SPAG17: variants seen among roughly 807,000 people sequenced by gnomAD.
SPAG17 encodes the protein sperm-associated antigen 17.
A neutral mutation model predicts 273.6 loss-of-function variants in SPAG17; 169 were observed. That is an observed-to-expected ratio of 0.62 (90% CI 0.55 to 0.70). The LOEUF is 0.70. Among genes scored for constraint, SPAG17 ranks in the 30% least tolerant of loss-of-function variants. The pLI is 0.00. For synonymous variants in SPAG17, 825 were observed against 873.2 expected (o/e 0.94, Z 0.97); for missense variants, 2,557 against 2,627.8 (o/e 0.97, Z 0.59).
At chr1:118,136,250 G>A (rs1020029485) in intron 3 of SPAG17, among the ~76,000 whole-genome samples, 1 of 152,086 alleles carries the variant, frequency 6.6e-6, no homozygotes, top group African/African-American at 2.4e-5. Flanking sequence ...AAAGACTGAT[G>A]GACCATCTGA....
At chr1:118,069,708 A>G (rs1202839499) in intron 17 of SPAG17, among the ~76,000 whole-genome samples, 1 of 152,204 alleles carries the variant, frequency 6.6e-6, no homozygotes, top group Non-Finnish European at 1.5e-5. Context: ...AACAGATGAG[A>G]TCATCAAAGA....
chr1:117,953,914 A>G lies in SPAG17; in HGVS notation c.*136T>C. On this transcript the variant is annotated 3_prime_UTR_variant, in exon 49 of 49. Transcript: ENST00000336338. ...TTATTAAACAGATTGAAGCTATTTC[A>G]TTTGGCAAATTTCTGGTCAGTTCTT... 9.6e-7 allele frequency: 1 copy of G among 1,040,940 alleles called. No individual in the cohort carries two copies. The highest frequency in any genetic ancestry group is 1.4e-6 in the Non-Finnish European group (1 of 702,304). The allele number at this position is 1,040,940 out of a possible 1,614,324, so 64.5% of individuals were successfully genotyped here. A position where few individuals can be genotyped will look rare whatever the true frequency, so the allele number is the denominator to read the frequency against.
At chr1:118,166,658 T>C (rs567806331) in intron 1 of SPAG17, among the ~76,000 whole-genome samples, 34 of 152,308 alleles carry the variant, frequency 2.2e-4, no homozygotes, top group Admixed American at 4.6e-4. Context: ...TGTAAATACT[T>C]ATCATTGAAA....
chr1:117,993,277 T>A (rs1192571614), intron 35 of SPAG17, among the ~76,000 whole-genome samples: 1 of 152,256 alleles, frequency 6.6e-6, no homozygotes. Flanking sequence ...GCCTGGCCTG[T>A]GACAGCCACT....
intron 7 of SPAG17, among the ~76,000 whole-genome samples, chr1:118,096,033 G>A (rs758557504): frequency 4.9e-4 from 75 of 152,110 alleles, no homozygotes; most frequent in Non-Finnish European, 1.0e-3. Context: ...CATTTTCCAC[G>A]CAGAGAACAA....
chr1:117,997,819 T>C (rs188323466), intron 32 of SPAG17, among the ~76,000 whole-genome samples: 1 of 152,278 alleles, frequency 6.6e-6, no homozygotes, highest in Non-Finnish European at 1.5e-5. Context: ...ATAATTTTAT[T>C]GTGTCTTCTT....
At chr1:118,180,140 C>A (rs1660874946) in intron 1 of SPAG17, among the ~76,000 whole-genome samples, 1 of 152,012 alleles carries the variant, frequency 6.6e-6, no homozygotes, top group Admixed American at 6.6e-5. Context: ...AAGATTTGCA[C>A]TTCCATGTTT....
intron 1 of SPAG17, among the ~76,000 whole-genome samples, chr1:118,178,095 C>A (rs1282003679): frequency 6.6e-6 from 1 of 152,196 alleles, no homozygotes; most frequent in East Asian, 1.9e-4. Flanking sequence ...GATACCAAAA[C>A]CACATAAAGA....
intron 2 of SPAG17, among the ~76,000 whole-genome samples, chr1:118,150,996 G>C (rs1466026170): frequency 6.6e-6 from 1 of 152,080 alleles, no homozygotes; most frequent in African/African-American, 2.4e-5. Flanking sequence ...TGCCTGGTAT[G>C]ACCTCAGAAA....
At chr1:118,028,164 G>A in intron 26 of SPAG17, 110 bp downstream of exon 26, 1 of 1,284,292 alleles carries the variant, frequency 7.8e-7, no homozygotes, top group South Asian at 1.4e-5. Flanking sequence ...ACAGTCTATT[G>A]TTCATTATCA....
In SPAG17 at chr1:118,036,833, C is replaced by T; in HGVS notation, c.3370G>A (p.Ala1124Thr). The change falls in exon 24 of 49, where the codon GCC (alanine) becomes ACC (threonine). Residue 1124 changes from alanine to threonine, a missense_variant. Physicochemically the swap from Ala to Thr is moderately conservative, Grantham distance 58. Coordinates refer to ENST00000336338, the MANE Select transcript of SPAG17 (RefSeq NM_206996.4). Reference protein sequence around the residue: ...KAFSKFGSFSATLENGICLSI... With the variant: ...KAFSKFGSFSTTLENGICLSI... ...AGGCAGATTCCATTTTCTAAGGTGG[C>T]AGAAAAAGATCCAAACTTGCTGAAA... 2 of 1,561,922 alleles carry T rather than the reference C, an allele frequency of 1.3e-6. No individual in the cohort carries two copies. The highest frequency in any genetic ancestry group is 1.9e-5 in the Admixed American group (1 of 52,758).
chr1:118,074,424 C>T, intron 16 of SPAG17, 115 bp downstream of exon 16: 1 of 870,292 alleles, frequency 1.1e-6, no homozygotes, highest in South Asian at 1.4e-5. Context: ...CTTTTCTAGC[C>T]TCAGTATTCT....
At position 118,175,310 on chromosome 1, in the gene SPAG17, G is replaced by A. The variant is rs182858939; in HGVS notation, c.87+9761C>T. 6.2e-3 allele frequency among the ~76,000 whole-genome samples: 950 copies of A among 152,180 alleles called. 8 individuals are homozygous for A. The highest frequency in any genetic ancestry group is 0.011 in the Non-Finnish European group (721 of 68,002). ...CTCCCAAAGTGCTGGGATCACAGGCGTGAGCCACTGCGCCCAGCTGGAAAT... is the reference window on the plus strand; with the variant it reads ...CTCCCAAAGTGCTGGGATCACAGGCATGAGCCACTGCGCCCAGCTGGAAAT... On this transcript the variant is annotated intron_variant, in intron 1 of 48. Transcript: ENST00000336338.
At chr1:117,992,901 G>GT (rs1657269348) in intron 35 of SPAG17, among the ~76,000 whole-genome samples, 1 of 152,164 alleles carries the variant, frequency 6.6e-6, no homozygotes, top group South Asian at 2.1e-4. Flanking sequence ...GGTGTCCTGG[G>GT]TAGGATGTAG....
chr1:118,022,927 T>C (rs1647283275), intron 28 of SPAG17, among the ~76,000 whole-genome samples: 1 of 152,220 alleles, frequency 6.6e-6, no homozygotes, highest in Non-Finnish European at 1.5e-5. Context: ...GAGGACCTCA[T>C]GCCTGGAGTT....
intron 4 of SPAG17, among the ~76,000 whole-genome samples, chr1:118,113,329 T>C (rs1656884518): frequency 6.6e-6 from 1 of 152,144 alleles, no homozygotes; most frequent in South Asian, 2.1e-4. Context: ...CACAGCATGG[T>C]GTCAGTTTTA....
intron 25 of SPAG17, 46 bp from the exon 26 acceptor site, chr1:118,028,440 T>G (rs776294558): frequency 2.5e-6 from 4 of 1,605,272 alleles, no homozygotes; most frequent in Non-Finnish European, 3.4e-6. Flanking sequence ...ATTTTCTTAA[T>G]GAGCTATTAT....
In SPAG17 at chr1:118,028,309, C is replaced by G; in HGVS notation, c.3695G>C (p.Gly1232Ala). The G allele has an allele frequency of 4.3e-6, 7 of 1,613,650 alleles. No individual in the cohort carries two copies. The highest frequency in any genetic ancestry group is 5.1e-6 in the Non-Finnish European group (6 of 1,179,676). ...FQSLNVSCPS[G>A]LLLTFIGQES... ...TTGTCCAATGAAAGTCAACAGGAGC[C>G]CACTGGGGCAAGACACATTTAGGCT... The change falls in exon 26 of 49, where the codon GGG becomes GCG. Residue 1232 changes from glycine (G) to alanine (A), a missense_variant. Gly to Ala is a moderately conservative substitution (Grantham distance 60). Coordinates refer to ENST00000336338, the MANE Select transcript of SPAG17 (RefSeq NM_206996.4).
At chr1:118,180,915 G>A (rs1021955265) in intron 1 of SPAG17, among the ~76,000 whole-genome samples, 1 of 151,886 alleles carries the variant, frequency 6.6e-6, no homozygotes, top group African/African-American at 2.4e-5. Flanking sequence ...TTCTACAGGA[G>A]TTAAAGAAAA....
Sources: gnomAD v4.1 joint callset for allele counts (sites outside exome capture counted in the v4.1 genomes callset) on GRCh38, gnomAD v4.1.1 for gene constraint, MANE v1.5 for transcripts, NCBI Gene and HGNC (gene_info 2026-07-23, HGNC 2026-07-21) for gene names.